MEIOC: variants seen among roughly 807,000 people sequenced by gnomAD.
MEIOC encodes the protein meiosis specific with coiled-coil domain, also known as meiosis-specific coiled-coil domain-containing protein MEIOC.
Under a neutral mutation model 85.3 loss-of-function variants are expected in MEIOC, and 9 were observed. The ratio of observed to expected loss-of-function variants is 0.11; its 90% CI spans 0.06 to 0.18. The LOEUF is 0.18. MEIOC is among the 10% of genes least tolerant of loss of function. The probability of loss-of-function intolerance (pLI) is 1.00; values close to 1 mark genes in which losing one functional copy is unlikely to be tolerated. For missense variants in MEIOC, 898 were observed against 1,129.4 expected, an observed-to-expected ratio of 0.80 and a Z score of 2.94; for synonymous variants, 365 against 393.7, an observed-to-expected ratio of 0.93 and a Z score of 0.86.
chr17:44,664,855 C>T (rs549639111), intron 3 of MEIOC, among the ~76,000 whole-genome samples: 46 of 152,228 alleles, frequency 3.0e-4, no homozygotes, highest in Middle Eastern at 3.4e-3. Context: ...TACATTTAAG[C>T]GACAACTGCA....
intron 2 of MEIOC, among the ~76,000 whole-genome samples, chr17:44,660,797 A>G (rs1199416078): frequency 1.3e-5 from 2 of 152,072 alleles, no homozygotes; most frequent in Non-Finnish European, 2.9e-5. Context: ...AATCATTAAA[A>G]TCTTAAAACC....
At chr17:44,676,708 G>A (rs1972080466), downstream of MEIOC, among the ~76,000 whole-genome samples, 2 of 152,138 alleles carry the variant, frequency 1.3e-5, no homozygotes, top group African/African-American at 4.8e-5. Flanking sequence ...TGTAGTCTCA[G>A]CTACTTGGGA....
Position 44,666,407 on chromosome 17 carries a change from C to G in MEIOC, c.496C>G (p.Pro166Ala). 1.2e-5 allele frequency: 18 copies of G among 1,551,240 alleles called. No homozygotes were observed. The highest frequency in any genetic ancestry group is 1.6e-5 in the Non-Finnish European group (18 of 1,146,534). ...CTCCTCCAATTTAAAGTCAGTTTGG[C>G]CAATGAACACAAGCAGATTTGCAGA... ...TCSSNLKSVW[P>A]MNTSRFADHH... The change falls in exon 5 of 8, where the codon CCA becomes GCA. Residue 166 changes from proline (P) to alanine (A), a missense_variant. Physicochemically the swap from Pro to Ala is conservative, Grantham distance 27. Around this residue, in one of 2 missense-constraint regions of MEIOC, gnomAD observed 734 missense variants for 860.1 expected, o/e 0.85. Coordinates refer to ENST00000409122, the MANE Select transcript of MEIOC (RefSeq NM_001145080.3).
intron 6 of MEIOC, among the ~76,000 whole-genome samples, chr17:44,671,859 T>A (rs1972016977): frequency 6.6e-6 from 1 of 150,700 alleles, no homozygotes; most frequent in South Asian, 2.1e-4. Flanking sequence ...TGAGCCGAGA[T>A]CGCGCCACTG....
rs755701480 is a variant in MEIOC at position 44,667,248 on chromosome 17, A to T, written c.1337A>T (p.Lys446Ile). Residue 446 changes from lysine to isoleucine, a missense_variant, in exon 5 of 8, where the codon AAA becomes ATA. Physicochemically the swap from Lys to Ile is moderately radical, Grantham distance 102. Coordinates refer to ENST00000409122, the MANE Select transcript of MEIOC (RefSeq NM_001145080.3). The part of the protein sequence containing the change: ...ANVTEKQQFA[K>I]PDPPHSEYFK... ...GTCACAGAAAAGCAACAGTTTGCTA[A>T]ACCTGATCCCCCACATTCTGAGTAT... The T allele has an allele frequency of 1.2e-6, 2 of 1,613,844 alleles. No homozygotes were observed. The highest frequency in any genetic ancestry group is 1.7e-6 in the Non-Finnish European group (2 of 1,179,870).
downstream of MEIOC, chr17:44,676,839 A>G (rs1972082995): frequency 2.1e-6 from 1 of 486,252 alleles, no homozygotes; most frequent in Non-Finnish European, 2.7e-6. Flanking sequence ...CAAAAAAAAT[A>G]TGCCCTTTGC....
At chr17:44,658,870 G>A (rs1971807496) in intron 2 of MEIOC, among the ~76,000 whole-genome samples, 3 of 151,334 alleles carry the variant, frequency 2.0e-5, no homozygotes, top group African/African-American at 7.3e-5. Context: ...CTTGTCCTTA[G>A]CATAACATAA....
At chr17:44,673,252 G>GA (rs1393082118) in intron 6 of MEIOC, 114 bp from the exon 7 acceptor site, 37 of 743,370 alleles carry the variant, frequency 5.0e-5, no homozygotes, top group Non-Finnish European at 7.3e-5. Context: ...AGCATTCTTT[G>GA]ATTTATTGAA....
At chr17:44,668,996 G>A (rs2144671432) in intron 5 of MEIOC, among the ~76,000 whole-genome samples, 1 of 152,342 alleles carries the variant, frequency 6.6e-6, no homozygotes, top group East Asian at 1.9e-4. Flanking sequence ...AAGGTCAGGA[G>A]TTGGAGACCA....
At chr17:44,665,535 TACAC>T in intron 4 of MEIOC, 47 bp downstream of exon 4, 1 of 888,506 alleles carries the variant, frequency 1.1e-6, no homozygotes, top group Non-Finnish European at 1.6e-6. Context: ...TAAACTAACA[TACAC>T]TAGTTTACCC....
downstream of MEIOC, chr17:44,675,864 C>A: frequency 3.3e-6 from 2 of 607,040 alleles, no homozygotes; most frequent in Non-Finnish European, 4.1e-6. Context: ...ATCAGAAAGT[C>A]AAATGAATTT....
Position 44,656,563 on chromosome 17 carries a change from C to T in MEIOC, c.-51C>T, listed in dbSNP as rs1598722657. On this transcript the variant is annotated 5_prime_UTR_variant, in exon 1 of 8. Transcript: ENST00000409122. ...CGGGCCTGGACGCCCCCCCCATCAC[C>T]CCCGTACCCCAGGAGCTGTGCCTAG... 14 of 1,363,578 alleles carry T rather than the reference C, an allele frequency of 1.0e-5. No homozygotes were observed. In the East Asian group the frequency reaches 4.0e-4, roughly 39 times the overall value. 84.5% of individuals were successfully genotyped at this position (1,363,578 alleles called of 1,614,324 possible).
intron 5 of MEIOC, among the ~76,000 whole-genome samples, chr17:44,668,835 C>T (rs1179280039): frequency 6.6e-5 from 10 of 151,918 alleles, no homozygotes; most frequent in Non-Finnish European, 1.2e-4. Context: ...GATTTTTTAC[C>T]CCCTTAGTTG....
At chr17:44,663,519 A>T (rs932774497) in intron 3 of MEIOC, among the ~76,000 whole-genome samples, 2 of 152,216 alleles carry the variant, frequency 1.3e-5, no homozygotes, top group Non-Finnish European at 2.9e-5. Flanking sequence ...TACGTAATAC[A>T]TAATTCTACA....
At position 44,674,144 on chromosome 17, in the gene MEIOC, G is replaced by A; in HGVS notation, c.2807G>A (p.Ser936Asn). 2 of 1,551,594 alleles carry A rather than the reference G, an allele frequency of 1.3e-6. No homozygotes were observed. The highest frequency in any genetic ancestry group is 1.7e-6 in the Non-Finnish European group (2 of 1,146,940). ...TVNCEDKVHE[S>N]INSSNPMNQR... ...AACTGTGAAGATAAAGTCCATGAAA[G>A]CATAAATAGTAGCAATCCAATGAAC... is the stretch of plus-strand genomic sequence containing the variant. The change falls in exon 8 of 8, where the codon AGC (serine) becomes AAC (asparagine). Residue 936 changes from serine to asparagine, a missense_variant. Ser to Asn is a conservative substitution (Grantham distance 46). Around this residue, in one of 2 missense-constraint regions of MEIOC, gnomAD observed 164 missense variants for 269.2 expected, o/e 0.61. Transcript: ENST00000409122.
At chr17:44,665,334 G>C in intron 3 of MEIOC, 50 bp from the exon 4 acceptor site, 1 of 1,216,902 alleles carries the variant, frequency 8.2e-7, no homozygotes, top group Non-Finnish European at 1.1e-6. Context: ...GATAAGTCTG[G>C]AAAGAGTAAT....
chr17:44,658,177 C>T (rs1330670730), intron 2 of MEIOC, among the ~76,000 whole-genome samples: 1 of 130,876 alleles, frequency 7.6e-6, no homozygotes, highest in Non-Finnish European at 1.6e-5. Flanking sequence ...TTTTTTGAGA[C>T]GGAGTCTTGC....
chr17:44,657,519 C>T lies in MEIOC; in HGVS notation c.204+258C>T, dbSNP rs114914607. On this transcript the variant is annotated intron_variant, in intron 2 of 7. Coordinates refer to ENST00000409122, the MANE Select transcript of MEIOC (RefSeq NM_001145080.3). The stretch of plus-strand genomic sequence containing the variant: ...GTGCCTCAGCTTCCTGAGGCACGCG[C>T]CACCACGCCCGGCTGTTTTTTTTGT... Among the ~76,000 whole-genome samples the T allele has an allele frequency of 5.8e-3, 879 of 151,636 alleles. 9 individuals carry two copies. Among genetic ancestry groups the T allele is most frequent in the African/African-American group, 0.02 (839 of 41,344 alleles).
At position 44,674,285 on chromosome 17, in the gene MEIOC, A is replaced by C; in HGVS notation, c.*89A>C. 10 of 1,454,850 alleles carry C rather than the reference A, an allele frequency of 6.9e-6. No homozygotes were observed. The highest frequency in any genetic ancestry group is 9.0e-6 in the Non-Finnish European group (10 of 1,106,054). 90.1% of individuals were successfully genotyped at this position (1,454,850 alleles called of 1,614,324 possible). A position where few individuals can be genotyped will look rare whatever the true frequency, so the allele number is the denominator to read the frequency against. Reference sequence around the variant, plus strand: ...TTAATGAACTTGTCAAACTTTCAGTATGTTTTCTTTCAGATTTAAAGTTAA... The same window carrying C: ...TTAATGAACTTGTCAAACTTTCAGTCTGTTTTCTTTCAGATTTAAAGTTAA... On this transcript the variant is annotated 3_prime_UTR_variant, in exon 8 of 8. Transcript: ENST00000409122.
Sources: gnomAD v4.1 joint callset for allele counts (sites outside exome capture counted in the v4.1 genomes callset) on GRCh38, gnomAD v4.1.1 for gene constraint, gnomAD v4.1.1 regional missense constraint, MANE v1.5 for transcripts, NCBI Gene and HGNC (gene_info 2026-07-23, HGNC 2026-07-21) for gene names.